Variants in BTF3L4 observed in about 807,000 individuals in gnomAD.
BTF3L4 encodes basic transcription factor 3 like 4.
Under a neutral mutation model 16.8 loss-of-function variants are expected in BTF3L4, and 6 were observed. That is an observed-to-expected ratio of 0.36 (90% confidence interval 0.20 to 0.71). BTF3L4 has a LOEUF of 0.71. BTF3L4 is among the 30% of genes least tolerant of loss of function. The pLI, the probability that BTF3L4 is intolerant of heterozygous loss-of-function variation, is 0.58. For missense variants in BTF3L4, 92 were observed against 186.9 expected (o/e 0.49, Z 2.96); for synonymous variants, 39 against 59.8 (o/e 0.65, Z 1.60).
At position 52,090,221 on chromosome 1, in the gene BTF3L4, G is replaced by A. The variant is rs1644007052; in HGVS notation, c.*3463G>A. Reference sequence around the variant, plus strand: ...ATGCAATGATGGCCTTGCTCTCTGAGCCTCAGTTTTATCTATAAAATGGTA... The same window carrying A: ...ATGCAATGATGGCCTTGCTCTCTGAACCTCAGTTTTATCTATAAAATGGTA... On this transcript the variant is annotated 3_prime_UTR_variant, in exon 6 of 6. Coordinates refer to ENST00000313334, the MANE Select transcript of BTF3L4 (RefSeq NM_152265.5). 1 of 152,126 alleles carries A rather than the reference G, an allele frequency of 6.6e-6. No individual in the cohort carries two copies. The highest frequency in any genetic ancestry group is 2.1e-4 in the South Asian group (1 of 4,828). The allele number at this position is 152,126 out of a possible 1,614,324, so 9.4% of individuals were successfully genotyped here.
chr1:52,080,087 G>C (rs1353839150), intron 3 of BTF3L4, among the ~76,000 whole-genome samples: 1 of 151,858 alleles, frequency 6.6e-6, no homozygotes, highest in South Asian at 2.1e-4. Context: ...AGCCAGACTG[G>C]TTGTGAACTC....
chr1:52,076,974 C>G (rs998246258), intron 3 of BTF3L4, among the ~76,000 whole-genome samples: 1 of 152,060 alleles, frequency 6.6e-6, no homozygotes, highest in Non-Finnish European at 1.5e-5. Context: ...GAGTTCAAGA[C>G]CAGCTTGAGT....
At chr1:52,074,446 C>T (rs865929535) in intron 3 of BTF3L4, among the ~76,000 whole-genome samples, 1 of 152,006 alleles carries the variant, frequency 6.6e-6, no homozygotes, top group South Asian at 2.1e-4. Context: ...TCAACACAAC[C>T]TTGGCCTCCC....
chr1:52,059,252 C>G (rs181391237), intron 1 of BTF3L4, among the ~76,000 whole-genome samples: 2 of 152,316 alleles, frequency 1.3e-5, no homozygotes, highest in Admixed American at 1.3e-4. Context: ...ACCTGGTTCT[C>G]TTTCCCCATT....
At chr1:52,082,236 C>T (rs147583823) in intron 3 of BTF3L4, among the ~76,000 whole-genome samples, 17 of 152,278 alleles carry the variant, frequency 1.1e-4, no homozygotes, top group African/African-American at 4.1e-4. Flanking sequence ...ACATGTTAAA[C>T]CTTCCATTTC....
intron 4 of BTF3L4, 130 bp downstream of exon 4, chr1:52,083,671 A>G (rs921349683): frequency 6.9e-6 from 5 of 724,216 alleles, no homozygotes; most frequent in South Asian, 3.8e-5. Flanking sequence ...AGTTATTTCT[A>G]TGCTTCATAA....
Position 52,088,596 on chromosome 1 carries a change from G to A in BTF3L4, c.*1838G>A, listed in dbSNP as rs1445686662. The A allele has an allele frequency of 6.6e-6, 1 of 152,508 alleles. No homozygotes were observed. Among genetic ancestry groups the A allele is most frequent in the Non-Finnish European group, 1.5e-5 (1 of 68,068 alleles). 9.4% of individuals were successfully genotyped at this position (152,508 alleles called of 1,614,324 possible). A position where few individuals can be genotyped will look rare whatever the true frequency, so the allele number is the denominator to read the frequency against. On this transcript the variant is annotated 3_prime_UTR_variant, in exon 6 of 6. Transcript: ENST00000313334. ...CAAAGGGGGACATTGTGGAGGCAGAGTTAGGGGGAACCACTTCAAGTGGTT... is the reference window on the plus strand; with the variant it reads ...CAAAGGGGGACATTGTGGAGGCAGAATTAGGGGGAACCACTTCAAGTGGTT...
chr1:52,086,628 C>A, intron 5 of BTF3L4, 84 bp from the exon 6 acceptor site: 1 of 773,208 alleles, frequency 1.3e-6, no homozygotes, highest in Non-Finnish European at 2.1e-6. Context: ...TTTATTTTTT[C>A]GGGGGTTAGA....
In BTF3L4 at chr1:52,083,380, A is replaced by C; in HGVS notation, c.209A>C (p.Asn70Thr). 6.2e-7 allele frequency: 1 copy of C among 1,613,590 alleles called. No individual in the cohort carries two copies. Among genetic ancestry groups the C allele is most frequent in the Non-Finnish European group, 8.5e-7 (1 of 1,179,722 alleles). Residue 70 changes from asparagine (N) to threonine (T), a missense_variant, in exon 4 of 6, where the codon AAC becomes ACC. By Grantham distance (65) the Asn-to-Thr change is moderately conservative. Transcript: ENST00000313334. ...GATGATGGGACAGTTATTCATTTCA[A>C]CAATCCCAAAGTCCAAGCTTCCCTT... The part of the protein sequence containing the change: ...IKDDGTVIHF[N>T]NPKVQASLSA...
chr1:52,077,480 T>A (rs539088685), intron 3 of BTF3L4, among the ~76,000 whole-genome samples: 1 of 152,284 alleles, frequency 6.6e-6, no homozygotes, highest in South Asian at 2.1e-4. Flanking sequence ...AAGCAGATGT[T>A]GCAGTGAGCA....
intron 4 of BTF3L4, 37 bp downstream of exon 4, chr1:52,083,578 CCTTA>C: frequency 6.6e-7 from 1 of 1,525,226 alleles, no homozygotes; most frequent in Non-Finnish European, 9.1e-7. Flanking sequence ...TCTCTCCCCA[CCTTA>C]CTTAAAGAAC....
intron 3 of BTF3L4, among the ~76,000 whole-genome samples, chr1:52,065,718 T>A (rs981817649): frequency 6.6e-6 from 1 of 152,172 alleles, no homozygotes; most frequent in Admixed American, 6.6e-5. Flanking sequence ...AGATTTCTTA[T>A]TAAAACTGTT....
At chr1:52,059,081 C>G (rs576527235) in intron 1 of BTF3L4, among the ~76,000 whole-genome samples, 2 of 151,978 alleles carry the variant, frequency 1.3e-5, no homozygotes, top group Non-Finnish European at 1.5e-5. Context: ...TCTGCCCCCC[C>G]CCAACATTTA....
chr1:52,061,900 C>T (rs1686520643), intron 2 of BTF3L4, among the ~76,000 whole-genome samples: 1 of 151,432 alleles, frequency 6.6e-6, no homozygotes, highest in Admixed American at 6.6e-5. Context: ...TCTCGGCCTC[C>T]CAAAGTGCTG....
intron 2 of BTF3L4, among the ~76,000 whole-genome samples, chr1:52,063,109 T>C (rs1239862192): frequency 6.6e-6 from 1 of 152,042 alleles, no homozygotes; most frequent in East Asian, 1.9e-4. Context: ...CTCTATTATA[T>C]GGGATACAAA....
chr1:52,077,299 T>C (rs767705276), intron 3 of BTF3L4, among the ~76,000 whole-genome samples: 2 of 152,210 alleles, frequency 1.3e-5, no homozygotes, highest in Admixed American at 6.5e-5. Context: ...CACAACACTT[T>C]GGGAGTCCAA....
chr1:52,074,800 C>T (rs576899564), intron 3 of BTF3L4, among the ~76,000 whole-genome samples: 4 of 152,252 alleles, frequency 2.6e-5, no homozygotes, highest in East Asian at 3.9e-4. Context: ...TGAGCCACTG[C>T]GTCCGGCTTG....
intron 2 of BTF3L4, among the ~76,000 whole-genome samples, chr1:52,062,479 T>C (rs868211045): frequency 4.6e-5 from 7 of 152,016 alleles, no homozygotes; most frequent in Non-Finnish European, 7.4e-5. Flanking sequence ...GGATTACAGG[T>C]GTGAGCCACC....
At chr1:52,062,912 G>A (rs980824943) in intron 2 of BTF3L4, among the ~76,000 whole-genome samples, 1 of 121,850 alleles carries the variant, frequency 8.2e-6, no homozygotes, top group African/African-American at 3.1e-5. Flanking sequence ...GCGCATCCTA[G>A]TTTCCTCGCA....
Sources: allele counts gnomAD v4.1 joint callset (sites outside exome capture counted in the v4.1 genomes callset), GRCh38; gene constraint gnomAD v4.1.1; transcripts MANE v1.5; gene names NCBI Gene and HGNC (gene_info 2026-07-23, HGNC 2026-07-21).